TMEM123: variants seen among roughly 807,000 people sequenced by gnomAD.
TMEM123 encodes the protein porimin.
Under a neutral mutation model 19.7 loss-of-function variants are expected in TMEM123, and 16 were observed. That is an observed-to-expected ratio of 0.81 (90% CI 0.55 to 1.23). The LOEUF is 1.23. Ranked by LOEUF, TMEM123 falls within the 50% of genes most tolerant of loss-of-function variation. The pLI is 0.00. For synonymous variants in TMEM123, 118 were observed against 99.4 expected (o/e 1.19, Z -1.12); for missense variants, 313 against 257.8 (o/e 1.21, Z -1.47).
At chr11:102,403,967 T>G (rs771279106) in intron 2 of TMEM123, among the ~76,000 whole-genome samples, 2 of 152,194 alleles carry the variant, frequency 1.3e-5, no homozygotes, top group Non-Finnish European at 2.9e-5. Context: ...CTTGCAGAAC[T>G]TTCCCAGCCT....
chr11:102,420,957 G>A (rs1219322480), intron 2 of TMEM123, among the ~76,000 whole-genome samples: 5 of 152,190 alleles, frequency 3.3e-5, no homozygotes, highest in Non-Finnish European at 4.4e-5. Flanking sequence ...TGAGGCACAA[G>A]AATTGCTTGA....
intron 2 of TMEM123, among the ~76,000 whole-genome samples, chr11:102,432,002 G>A (rs1420540685): frequency 6.6e-6 from 1 of 152,188 alleles, no homozygotes; most frequent in Non-Finnish European, 1.5e-5. Flanking sequence ...ATGTGGAACT[G>A]AGTCAATTAA....
At chr11:102,413,802 G>A (rs1015869852) in intron 2 of TMEM123, among the ~76,000 whole-genome samples, 2 of 152,194 alleles carry the variant, frequency 1.3e-5, no homozygotes, top group African/African-American at 4.8e-5. Context: ...TCAAAAAGCT[G>A]CAGTGTCTTC....
intron 1 of TMEM123, chr11:102,452,315 G>C (rs1183285392): frequency 7.4e-6 from 3 of 406,160 alleles, no homozygotes; most frequent in African/African-American, 6.2e-5. Context: ...GAAGCACCAG[G>C]CAATTTCCTC....
At chr11:102,425,609 G>T (rs553547145) in intron 2 of TMEM123, among the ~76,000 whole-genome samples, 38 of 137,584 alleles carry the variant, frequency 2.8e-4, no homozygotes, top group African/African-American at 1.0e-3. Context: ...TTGAGGCAAG[G>T]TCTCACTCTG....
At chr11:102,410,845 C>T (rs1304632980) in intron 2 of TMEM123, among the ~76,000 whole-genome samples, 2 of 152,142 alleles carry the variant, frequency 1.3e-5, no homozygotes, top group African/African-American at 4.8e-5. Flanking sequence ...AATATGTATG[C>T]CAGGGGCCAG....
intron 2 of TMEM123, among the ~76,000 whole-genome samples, chr11:102,406,763 C>G (rs566202847): frequency 1.3e-5 from 2 of 150,528 alleles, no homozygotes; most frequent in Non-Finnish European, 1.5e-5. Flanking sequence ...CCCAGCTACT[C>G]GGGAGGCTGA....
intron 2 of TMEM123, among the ~76,000 whole-genome samples, chr11:102,444,248 G>A (rs568247920): frequency 4.1e-4 from 63 of 152,284 alleles, no homozygotes; most frequent in African/African-American, 1.4e-3. Flanking sequence ...ACATGCACAC[G>A]TGTGTTTATT....
At chr11:102,445,111 G>C (rs756017556) in intron 2 of TMEM123, among the ~76,000 whole-genome samples, 2 of 152,160 alleles carry the variant, frequency 1.3e-5, no homozygotes, top group African/African-American at 2.4e-5. Flanking sequence ...CATGGCACAT[G>C]TATACATACG....
intron 1 of TMEM123, among the ~76,000 whole-genome samples, chr11:102,449,988 TC>T (rs1370568059): frequency 1.3e-5 from 2 of 152,036 alleles, no homozygotes; most frequent in Admixed American, 6.6e-5. Flanking sequence ...AACCTGCTCC[TC>T]CCCCAACCTT....
Position 102,452,555 on chromosome 11 carries a change from C to A in TMEM123, c.69G>T (p.Leu23=). Residue 23 remains leucine, a synonymous_variant, in exon 1 of 5, where the codon CTG becomes CTT. Coordinates refer to ENST00000398136, the MANE Select transcript of TMEM123 (RefSeq NM_052932.3). ...TGGCTGCGCTTTCATGGGCGGCCCC[C>A]AGCAGCGCTAGCACCTGCAGCGTCC... is the stretch of plus-strand genomic sequence containing the variant. The part of the protein sequence containing the change: ...LLGTLQVLAL[L]GAAHESAAMA... 6.4e-7 allele frequency: 1 copy of A among 1,570,238 alleles called. No homozygotes were observed. The highest frequency in any genetic ancestry group is 8.6e-7 in the Non-Finnish European group (1 of 1,162,612).
chr11:102,427,536 G>A (rs142216262), intron 2 of TMEM123, among the ~76,000 whole-genome samples: 2 of 149,858 alleles, frequency 1.3e-5, no homozygotes, highest in East Asian at 2.0e-4. Flanking sequence ...GCAACAGGGA[G>A]GCTATAAATT....
chr11:102,436,307 C>T (rs1001690340), intron 2 of TMEM123, among the ~76,000 whole-genome samples: 2 of 151,818 alleles, frequency 1.3e-5, no homozygotes, highest in Non-Finnish European at 2.9e-5. Flanking sequence ...GGACTACAGG[C>T]GTGCATCACC....
chr11:102,417,699 A>G (rs1952053013), intron 2 of TMEM123, among the ~76,000 whole-genome samples: 1 of 152,214 alleles, frequency 6.6e-6, no homozygotes, highest in Admixed American at 6.5e-5. Context: ...TCCTAAGCAA[A>G]AAGAACAAAG....
In TMEM123 at chr11:102,439,346, T is replaced by A. The variant is rs148348143; in HGVS notation, c.157+9466A>T. Among the ~76,000 whole-genome samples the A allele has an allele frequency of 2.5e-3, 380 of 151,526 alleles. 1 individual carries two copies. Among genetic ancestry groups the A allele is most frequent in the African/African-American group, 8.6e-3 (354 of 41,382 alleles). ...GCCTAACTGGGAGACACCTCCCAGC[T>A]TCCAGAGGAAGGATCAGGCAGCAAC... On this transcript the variant is annotated intron_variant, in intron 2 of 4. Coordinates refer to ENST00000398136, the MANE Select transcript of TMEM123 (RefSeq NM_052932.3).
At chr11:102,437,524 G>A (rs575694821) in intron 2 of TMEM123, among the ~76,000 whole-genome samples, 111 of 151,404 alleles carry the variant, frequency 7.3e-4, no homozygotes, top group African/African-American at 2.3e-3. Context: ...AGTTCACATC[G>A]CAATAAAGAA....
At chr11:102,449,120 A>G (rs1316186124) in intron 1 of TMEM123, 1 of 358,668 alleles carries the variant, frequency 2.8e-6, no homozygotes, top group Non-Finnish European at 5.4e-6. Context: ...CTTACTATAT[A>G]CCAGCCACCG....
At chr11:102,431,035 A>G (rs1003312100) in intron 2 of TMEM123, among the ~76,000 whole-genome samples, 1 of 152,250 alleles carries the variant, frequency 6.6e-6, no homozygotes, top group African/African-American at 2.4e-5. Context: ...ATCACTTTTC[A>G]ACTAGTTGTT....
intron 2 of TMEM123, among the ~76,000 whole-genome samples, chr11:102,418,770 C>T (rs990482376): frequency 6.6e-6 from 1 of 152,044 alleles, no homozygotes; most frequent in African/African-American, 2.4e-5. Flanking sequence ...CCAACAGTGG[C>T]GGACTGGATA....
Sources: allele counts gnomAD v4.1 joint callset (sites outside exome capture counted in the v4.1 genomes callset), GRCh38; gene constraint gnomAD v4.1.1; transcripts MANE v1.5; gene names NCBI Gene and HGNC (gene_info 2026-07-23, HGNC 2026-07-21).